The following PDE7B variants were observed in gnomAD, a reference collection of about 807,000 sequenced individuals.
PDE7B encodes phosphodiesterase 7B, also known as 3',5'-cyclic-AMP phosphodiesterase 7B.
PDE7B carries 29 observed loss-of-function variants against 56.2 expected under a neutral mutation model. That is an observed-to-expected ratio of 0.52 (90% CI 0.38 to 0.70). The LOEUF (loss-of-function observed/expected upper bound fraction) is 0.70. PDE7B is among the 30% of genes least tolerant of loss of function. The pLI is 0.00. For synonymous variants in PDE7B, 197 were observed against 196.9 expected (o/e 1.00, Z 0.00); for missense variants, 490 against 565.0 (o/e 0.87, Z 1.35).
At chr6:135,953,606 T>C (rs763078430) in intron 2 of PDE7B, among the ~76,000 whole-genome samples, 12 of 152,160 alleles carry the variant, frequency 7.9e-5, no homozygotes, top group Non-Finnish European at 1.2e-4. Flanking sequence ...TTATTAATAC[T>C]CAATTTTTTC....
intron 2 of PDE7B, among the ~76,000 whole-genome samples, chr6:136,106,795 C>T (rs1777651541): frequency 6.6e-6 from 1 of 152,144 alleles, no homozygotes; most frequent in South Asian, 2.1e-4. Context: ...GAGAAAAACA[C>T]TTCAACTTTT....
rs564571069 is a variant in PDE7B at position 135,860,221 on chromosome 6, C to T, written c.21+8202C>T. 3.3e-4 allele frequency among the ~76,000 whole-genome samples: 50 copies of T among 152,052 alleles called. 2 individuals are homozygous for T. The South Asian group carries it at 5.6e-3, about 17-fold the overall frequency. ...AGGAAATTGAGACTCAGATAAATTG[C>T]GGCTAATAGTTGAAATGCAACTTCA... On this transcript the variant is annotated intron_variant, in intron 1 of 12. Transcript: ENST00000308191.
intron 2 of PDE7B, among the ~76,000 whole-genome samples, chr6:135,979,673 A>G (rs1775259070): frequency 6.6e-6 from 1 of 152,200 alleles, no homozygotes; most frequent in Admixed American, 6.6e-5. Context: ...GAGCCAAATC[A>G]TGAGTGAACT....
Position 135,851,869 on chromosome 6 carries a change from T to TTG in PDE7B, c.-129_-128insGT. ...TTTTCCTTTTTTTTCTTTTTTTTTT[T>TTG]TTGTTACTTAATTATATTCCTAATC... On this transcript the variant is annotated 5_prime_UTR_variant, in exon 1 of 13. Coordinates refer to ENST00000308191, the MANE Select transcript of PDE7B (RefSeq NM_018945.4). 1 of 620,878 alleles carries TTG rather than the reference T, an allele frequency of 1.6e-6. No homozygotes were observed. 38.5% of individuals were successfully genotyped at this position (620,878 alleles called of 1,614,324 possible).
chr6:135,970,483 C>T (rs1038472502), intron 2 of PDE7B, among the ~76,000 whole-genome samples: 6 of 152,080 alleles, frequency 3.9e-5, no homozygotes, highest in African/African-American at 1.4e-4. Context: ...AACATGCATG[C>T]AAATCACCTG....
chr6:136,156,433 C>T (rs1051181506), intron 8 of PDE7B, among the ~76,000 whole-genome samples: 5 of 152,116 alleles, frequency 3.3e-5, no homozygotes, highest in African/African-American at 1.2e-4. Flanking sequence ...GTGATCATCC[C>T]ACCTCAGCCT....
chr6:135,864,144 C>A (rs1179999579), intron 1 of PDE7B, among the ~76,000 whole-genome samples: 1 of 152,040 alleles, frequency 6.6e-6, no homozygotes, highest in Non-Finnish European at 1.5e-5. Context: ...TTACAGGATG[C>A]ATCTATGACC....
intron 2 of PDE7B, among the ~76,000 whole-genome samples, chr6:135,989,222 G>C (rs1775431981): frequency 6.6e-6 from 1 of 152,184 alleles, no homozygotes; most frequent in Admixed American, 6.5e-5. Context: ...AAACTTACTA[G>C]AAAATGAGAT....
At chr6:135,902,294 A>G (rs373901216) in intron 1 of PDE7B, among the ~76,000 whole-genome samples, 4 of 151,796 alleles carry the variant, frequency 2.6e-5, no homozygotes, top group African/African-American at 7.2e-5. Flanking sequence ...AGCAGAGCAC[A>G]CAGATCTCTA....
At chr6:136,183,067 G>A (rs1258952197) in intron 11 of PDE7B, among the ~76,000 whole-genome samples, 9 of 121,010 alleles carry the variant, frequency 7.4e-5, no homozygotes, top group African/African-American at 1.9e-4. Context: ...GCAAGACTCC[G>A]TCTCCAAAAA....
chr6:136,018,788 A>G (rs1445821050), intron 2 of PDE7B, among the ~76,000 whole-genome samples: 3 of 151,944 alleles, frequency 2.0e-5, no homozygotes, highest in Admixed American at 6.6e-5. Flanking sequence ...ATACATATCT[A>G]TACATATACG....
At chr6:136,101,505 G>T (rs1195401057) in intron 2 of PDE7B, among the ~76,000 whole-genome samples, 1 of 152,110 alleles carries the variant, frequency 6.6e-6, no homozygotes, top group African/African-American at 2.4e-5. Flanking sequence ...GGGTGTATGT[G>T]TCCAGGAATC....
intron 2 of PDE7B, among the ~76,000 whole-genome samples, chr6:135,967,169 T>C (rs1471748739): frequency 6.6e-6 from 1 of 152,168 alleles, no homozygotes; most frequent in Non-Finnish European, 1.5e-5. Context: ...GTAGATTCAA[T>C]TGACAGTCTG....
intron 2 of PDE7B, chr6:136,034,159 A>G (rs997717850): frequency 6.6e-6 from 1 of 152,202 alleles, no homozygotes; most frequent in African/African-American, 2.4e-5. Flanking sequence ...TGAAAGGTAC[A>G]TTCTCTAGAA....
Position 136,173,059 on chromosome 6 carries a change from A to G in PDE7B, c.712-738A>G, listed in dbSNP as rs548152923. 5.2e-3 allele frequency among the ~76,000 whole-genome samples: 796 copies of G among 152,146 alleles called. 10 individuals carry two copies. The highest frequency in any genetic ancestry group is 0.017 in the African/African-American group (696 of 41,504). The stretch of plus-strand genomic sequence containing the variant: ...CTCATGGGTAGGAAGAATCAATATC[A>G]TGAAAATGGCCATACTGCCCAAGGT... On this transcript the variant is annotated intron_variant, in intron 8 of 12. Transcript: ENST00000308191.
intron 3 of PDE7B, among the ~76,000 whole-genome samples, chr6:136,138,011 A>G (rs1778245732): frequency 6.6e-6 from 1 of 152,144 alleles, no homozygotes; most frequent in African/African-American, 2.4e-5. Flanking sequence ...TCCAAATGAG[A>G]ATTTGGAAAC....
chr6:136,016,593 A>T (rs999406277), intron 2 of PDE7B, among the ~76,000 whole-genome samples: 1 of 152,158 alleles, frequency 6.6e-6, no homozygotes, highest in Admixed American at 6.5e-5. Flanking sequence ...AACTAGCCCA[A>T]TGTTGCACAG....
At chr6:135,991,354 G>A (rs1286191526) in intron 2 of PDE7B, among the ~76,000 whole-genome samples, 1 of 151,934 alleles carries the variant, frequency 6.6e-6, no homozygotes, top group African/African-American at 2.4e-5. Context: ...TAGGTTGATT[G>A]GTCCTTCCAC....
chr6:135,993,402 C>G (rs1775507951), intron 2 of PDE7B, among the ~76,000 whole-genome samples: 2 of 152,222 alleles, frequency 1.3e-5, no homozygotes, highest in Admixed American at 6.5e-5. Flanking sequence ...ATGCTCCAGT[C>G]TCATCATGCA....
Sources: allele counts gnomAD v4.1 joint callset (sites outside exome capture counted in the v4.1 genomes callset), GRCh38; gene constraint gnomAD v4.1.1; transcripts MANE v1.5; gene names NCBI Gene and HGNC (gene_info 2026-07-23, HGNC 2026-07-21).